Variants in TNP1 observed in about 807,000 individuals in gnomAD.
TNP1 encodes spermatid nuclear transition protein 1.
Under a neutral mutation model 5.8 loss-of-function variants are expected in TNP1, and 1 was observed. The observed-to-expected ratio is 0.17, with a 90% CI of 0.06 to 0.82. The LOEUF (loss-of-function observed/expected upper bound fraction) is 0.82. Among genes scored for constraint, TNP1 ranks in the 40% least tolerant of loss-of-function variants. The pLI is 0.72. For missense variants in TNP1, 71 were observed against 75.5 expected, an observed-to-expected ratio of 0.94 and a Z score of 0.22; for synonymous variants, 22 against 25.3, an observed-to-expected ratio of 0.87 and a Z score of 0.40.
chr2:216,859,743 C>A, intron 1 of TNP1, 48 bp from the exon 2 acceptor site: 1 of 1,613,952 alleles, frequency 6.2e-7, no homozygotes, highest in African/African-American at 1.3e-5. Context: ...TAGAACATTC[C>A]CATCAAGACT....
In TNP1 at chr2:216,859,545, C is replaced by T. The variant is rs1384279369; in HGVS notation, c.*122G>A. ...TTCGTCACAACTGGCATTTGATCCA[C>T]ATTCCATAGGCTCCTCTCTGGCTTT... On this transcript the variant is annotated 3_prime_UTR_variant, in exon 2 of 2. Transcript: ENST00000236979. The T allele has an allele frequency of 1.1e-5, 14 of 1,268,526 alleles. No homozygotes were observed. The highest frequency in any genetic ancestry group is 1.5e-5 in the African/African-American group (1 of 66,940). 78.6% of individuals were successfully genotyped at this position (1,268,526 alleles called of 1,614,324 possible).
In TNP1 at chr2:216,859,893, C is replaced by T; in HGVS notation, c.139+3G>A. On this transcript the variant is annotated splice_donor_region_variant and intron_variant, in intron 1 of 1. Transcript: ENST00000236979. The stretch of plus-strand genomic sequence containing the variant: ...GGCAATCTCCTCCCCATCCCTCACT[C>T]ACCGTCATCGCCCCGTTTCCTACTT... The T allele has an allele frequency of 6.2e-7, 1 of 1,614,220 alleles. No homozygotes were observed. Among genetic ancestry groups the T allele is most frequent in the Non-Finnish European group, 8.5e-7 (1 of 1,180,036 alleles).
chr2:216,859,866 T>C lies in TNP1; in HGVS notation c.139+30A>G, dbSNP rs184176050. ...GCCTGGCAGCAATGTGTGCCTAAGT[T>C]TGGCAATCTCCTCCCCATCCCTCAC... is the stretch of plus-strand genomic sequence containing the variant. On this transcript the variant is annotated intron_variant, in intron 1 of 1. Transcript: ENST00000236979. The C allele has an allele frequency of 5.6e-6, 9 of 1,614,192 alleles. No individual in the cohort carries two copies. In the East Asian group the frequency reaches 2.0e-4, roughly 36 times the overall value.
chr2:216,859,557 T>C lies in TNP1; in HGVS notation c.*110A>G, dbSNP rs1380091232. On this transcript the variant is annotated 3_prime_UTR_variant, in exon 2 of 2. Transcript: ENST00000236979. ...GGCATTTGATCCACATTCCATAGGCTCCTCTCTGGCTTTGATCTAACATCA... is the reference window on the plus strand; with the variant it reads ...GGCATTTGATCCACATTCCATAGGCCCCTCTCTGGCTTTGATCTAACATCA... 4 of 1,373,426 alleles carry C rather than the reference T, an allele frequency of 2.9e-6. No individual in the cohort carries two copies. The highest frequency in any genetic ancestry group is 2.3e-5 in the East Asian group (1 of 43,460). The allele number at this position is 1,373,426 out of a possible 1,614,324, so 85.1% of individuals were successfully genotyped here. A position where few individuals can be genotyped will look rare whatever the true frequency, so the allele number is the denominator to read the frequency against.
chr2:216,859,972 G>A lies in TNP1; in HGVS notation c.63C>T (p.His21=). 6.2e-7 allele frequency: 1 copy of A among 1,614,160 alleles called. No individual in the cohort carries two copies. Among genetic ancestry groups the A allele is most frequent in the Non-Finnish European group, 8.5e-7 (1 of 1,180,034 alleles). Reference sequence around the variant, plus strand: ...TGCTGCCACCTCTCTTGACTCCCTTGTGAGGAGATCGGCTCTTGCTCCTCC... The same window carrying A: ...TGCTGCCACCTCTCTTGACTCCCTTATGAGGAGATCGGCTCTTGCTCCTCC... ...GMRRSKSRSP[H]KGVKRGGSKR... Residue 21 remains histidine, a synonymous_variant, in exon 1 of 2, where the codon CAC becomes CAT. Transcript: ENST00000236979.
Position 216,859,515 on chromosome 2 carries a change from C to T in TNP1, c.*152G>A. 2.2e-6 allele frequency: 2 copies of T among 922,846 alleles called. No homozygotes were observed. The highest frequency in any genetic ancestry group is 3.4e-6 in the Non-Finnish European group (2 of 591,796). The allele number at this position is 922,846 out of a possible 1,614,324, so 57.2% of individuals were successfully genotyped here. A position where few individuals can be genotyped will look rare whatever the true frequency, so the allele number is the denominator to read the frequency against. On this transcript the variant is annotated 3_prime_UTR_variant, in exon 2 of 2. Coordinates refer to ENST00000236979, the MANE Select transcript of TNP1 (RefSeq NM_003284.4). ...GGAAAAACAGCCAACATATACATTC[C>T]TCATTTCGTCACAACTGGCATTTGA...
rs1426628103 is a variant in TNP1 at position 216,859,598 on chromosome 2, T to A, written c.*69A>T. ...TCTAACATCAGGTCTCCTTGGCAGT[T>A]CCCCTTCTGCTGTTCTTGTTGCTGC... On this transcript the variant is annotated 3_prime_UTR_variant, in exon 2 of 2. Transcript: ENST00000236979. The A allele has an allele frequency of 3.8e-6, 6 of 1,596,058 alleles. No individual in the cohort carries two copies. In the African/African-American group the frequency reaches 5.4e-5, roughly 14 times the overall value.
chr2:216,859,858 G>A (rs1300901856), intron 1 of TNP1, 38 bp downstream of exon 1: 1 of 1,614,196 alleles, frequency 6.2e-7, no homozygotes. Flanking sequence ...AGCAATGTGT[G>A]CCTAAGTTTG....
At position 216,859,886 on chromosome 2, in the gene TNP1, C is replaced by T. The variant is rs560143746; in HGVS notation, c.139+10G>A. 3.1e-6 allele frequency: 5 copies of T among 1,614,192 alleles called. No homozygotes were observed. The South Asian group carries it at 5.5e-5, about 18-fold the overall frequency. On this transcript the variant is annotated intron_variant, in intron 1 of 1. Coordinates refer to ENST00000236979, the MANE Select transcript of TNP1 (RefSeq NM_003284.4). ...TAAGTTTGGCAATCTCCTCCCCATC[C>T]CTCACTCACCGTCATCGCCCCGTTT... is the stretch of plus-strand genomic sequence containing the variant.
At position 216,860,058 on chromosome 2, in the gene TNP1, G is replaced by A; in HGVS notation, c.-24C>T. On this transcript the variant is annotated 5_prime_UTR_variant, in exon 1 of 2. Transcript: ENST00000236979. ...ATGGTAAGTTCTGCCAAAATGAGGGGCTTTGCAAGGCCCGGGGGCCAGGAG... is the reference window on the plus strand; with the variant it reads ...ATGGTAAGTTCTGCCAAAATGAGGGACTTTGCAAGGCCCGGGGGCCAGGAG... 6.2e-7 allele frequency: 1 copy of A among 1,613,620 alleles called. No individual in the cohort carries two copies. The highest frequency in any genetic ancestry group is 8.5e-7 in the Non-Finnish European group (1 of 1,180,016).
At chr2:216,859,780 A>G (rs1688882218) in intron 1 of TNP1, 85 bp from the exon 2 acceptor site, 1 of 1,613,476 alleles carries the variant, frequency 6.2e-7, no homozygotes, top group Non-Finnish European at 8.5e-7. Flanking sequence ...GCATTTAGTT[A>G]TTGGAAATAA....
In TNP1 at chr2:216,859,694, G is replaced by T. The variant is rs908437904; in HGVS notation, c.141C>A (p.Ala47=). The T allele has an allele frequency of 6.2e-7, 1 of 1,614,002 alleles. No individual in the cohort carries two copies. The highest frequency in any genetic ancestry group is 8.5e-7 in the Non-Finnish European group (1 of 1,180,034). The part of the protein sequence containing the change: ...NLKSRKRGDD[A]NRNYRSHL The stretch of plus-strand genomic sequence containing the variant: ...ACAAGTGGGAGCGGTAATTGCGATT[G>T]GCTGTGGGAAAGGACAGGTTTGCAA... Residue 47 remains alanine (A), a splice_region_variant and synonymous_variant, in exon 2 of 2, where the codon GCC becomes GCA. Transcript: ENST00000236979.
rs549809988 is a variant in TNP1 at position 216,859,654 on chromosome 2, G to T, written c.*13C>A. On this transcript the variant is annotated 3_prime_UTR_variant, in exon 2 of 2. Transcript: ENST00000236979. ...GCTGTGTGAAGCGCACCAGGGCAGA[G>T]CCCGCTGGGGGCTCACAAGTGGGAG... 1 of 1,614,210 alleles carries T rather than the reference G, an allele frequency of 6.2e-7. No homozygotes were observed. The highest frequency in any genetic ancestry group is 1.1e-5 in the South Asian group (1 of 91,084).
Position 216,859,471 on chromosome 2 carries a change from A to G in TNP1, c.*196T>C. Reference sequence around the variant, plus strand: ...TCAAAGTAAACATTTCTGCTTTCAAAGTTTTATTGAGATGTTGGGGAAAAA... The same window carrying G: ...TCAAAGTAAACATTTCTGCTTTCAAGGTTTTATTGAGATGTTGGGGAAAAA... On this transcript the variant is annotated 3_prime_UTR_variant, in exon 2 of 2. Coordinates refer to ENST00000236979, the MANE Select transcript of TNP1 (RefSeq NM_003284.4). 1.5e-6 allele frequency: 1 copy of G among 664,312 alleles called. No homozygotes were observed. Among genetic ancestry groups the G allele is most frequent in the South Asian group, 2.0e-5 (1 of 50,936 alleles). 41.2% of individuals were successfully genotyped at this position (664,312 alleles called of 1,614,324 possible).
At chr2:216,859,729 G>A (rs749666432) in intron 1 of TNP1, 34 bp from the exon 2 acceptor site, 15 of 1,613,986 alleles carry the variant, frequency 9.3e-6, no homozygotes, top group South Asian at 4.4e-5. Flanking sequence ...ACAGAGACAC[G>A]AATTAGAACA....
chr2:216,859,563 C>A lies in TNP1; in HGVS notation c.*104G>T. On this transcript the variant is annotated 3_prime_UTR_variant, in exon 2 of 2. Coordinates refer to ENST00000236979, the MANE Select transcript of TNP1 (RefSeq NM_003284.4). ...TGATCCACATTCCATAGGCTCCTCT[C>A]TGGCTTTGATCTAACATCAGGTCTC... is the stretch of plus-strand genomic sequence containing the variant. The A allele has an allele frequency of 6.9e-7, 1 of 1,451,370 alleles. No individual in the cohort carries two copies. Among genetic ancestry groups the A allele is most frequent in the Non-Finnish European group, 9.6e-7 (1 of 1,039,852 alleles). 89.9% of individuals were successfully genotyped at this position (1,451,370 alleles called of 1,614,324 possible).
Position 216,859,963 on chromosome 2 carries a change from G to C in TNP1, c.72C>G (p.Val24=), listed in dbSNP as rs1164547602. The C allele has an allele frequency of 1.2e-6, 2 of 1,614,136 alleles. No individual in the cohort carries two copies. Among genetic ancestry groups the C allele is most frequent in the East Asian group, 4.5e-5 (2 of 44,868 alleles). Residue 24 remains valine, a synonymous_variant, in exon 1 of 2, where the codon GTC becomes GTG. Coordinates refer to ENST00000236979, the MANE Select transcript of TNP1 (RefSeq NM_003284.4). Reference sequence around the variant, plus strand: ...ATTTTCTTTTGCTGCCACCTCTCTTGACTCCCTTGTGAGGAGATCGGCTCT... The same window carrying C: ...ATTTTCTTTTGCTGCCACCTCTCTTCACTCCCTTGTGAGGAGATCGGCTCT... ...RSKSRSPHKG[V]KRGGSKRKYR...
rs1559230822 is a variant in TNP1 at position 216,859,990 on chromosome 2, GCTC to G, written c.42_44del (p.Arg14del). On this transcript the variant is annotated inframe_deletion, in exon 1 of 2. Transcript: ENST00000236979. ...CTCCCTTGTGAGGAGATCGGCTCTT[GCTC>G]CTCCTCATGCCATGACTCTTTAATT... The G allele has an allele frequency of 1.7e-5, 27 of 1,614,122 alleles. No homozygotes were observed. Among genetic ancestry groups the G allele is most frequent in the Non-Finnish European group, 2.2e-5 (26 of 1,180,032 alleles).
At position 216,859,546 on chromosome 2, in the gene TNP1, A is replaced by G. The variant is rs924196535; in HGVS notation, c.*121T>C. The stretch of plus-strand genomic sequence containing the variant: ...TCGTCACAACTGGCATTTGATCCAC[A>G]TTCCATAGGCTCCTCTCTGGCTTTG... On this transcript the variant is annotated 3_prime_UTR_variant, in exon 2 of 2. Transcript: ENST00000236979. 1 of 1,286,078 alleles carries G rather than the reference A, an allele frequency of 7.8e-7. No homozygotes were observed. Among genetic ancestry groups the G allele is most frequent in the Non-Finnish European group, 1.1e-6 (1 of 905,484 alleles). The allele number at this position is 1,286,078 out of a possible 1,614,324, so 79.7% of individuals were successfully genotyped here. A position where few individuals can be genotyped will look rare whatever the true frequency, so the allele number is the denominator to read the frequency against.
Sources: allele counts gnomAD v4.1 joint callset, GRCh38; gene constraint gnomAD v4.1.1; transcripts MANE v1.5; gene names NCBI Gene and HGNC (gene_info 2026-07-23, HGNC 2026-07-21).